ASAP1: variants seen among roughly 807,000 people sequenced by gnomAD.
The protein encoded by ASAP1 is ArfGAP with SH3 domain, ankyrin repeat and PH domain 1.
ASAP1 carries 43 observed loss-of-function variants against 145.2 expected under a neutral mutation model. The ratio of observed to expected loss-of-function variants is 0.30; its 90% CI spans 0.23 to 0.38. ASAP1 has a LOEUF of 0.38. Ranked by LOEUF, ASAP1 falls within the 10% of genes least tolerant of loss-of-function variation. The pLI, the probability that ASAP1 is intolerant of heterozygous loss-of-function variation, is 1.00. For missense variants in ASAP1, 1,018 were observed against 1,355.3 expected (o/e 0.75, Z 3.91); for synonymous variants, 546 against 515.5 (o/e 1.06, Z -0.80).
chr8:130,306,674 G>A (rs889039090), intron 3 of ASAP1, among the ~76,000 whole-genome samples: 1 of 152,162 alleles, frequency 6.6e-6, no homozygotes, highest in Non-Finnish European at 1.5e-5. Flanking sequence ...ATGTAAGGAT[G>A]AAAGGAGCTA....
chr8:130,391,404 A>G (rs1828278797), intron 2 of ASAP1, among the ~76,000 whole-genome samples: 1 of 152,230 alleles, frequency 6.6e-6, no homozygotes, highest in African/African-American at 2.4e-5. Flanking sequence ...ATGCCACTGA[A>G]TTGTTCTTAA....
intron 3 of ASAP1, among the ~76,000 whole-genome samples, chr8:130,349,538 A>G (rs1825878519): frequency 6.6e-6 from 1 of 152,238 alleles, no homozygotes; most frequent in African/African-American, 2.4e-5. Context: ...AGTAGGACAC[A>G]GTAAGGCTCA....
intron 15 of ASAP1, among the ~76,000 whole-genome samples, chr8:130,130,874 A>T (rs541611796): frequency 6.2e-4 from 92 of 148,714 alleles, no homozygotes; most frequent in Non-Finnish European, 1.0e-3. Context: ...ATCTCATTTT[A>T]AAAAAAAAAG....
At chr8:130,221,346 A>AATT (rs999665975) in intron 4 of ASAP1, among the ~76,000 whole-genome samples, 6 of 152,130 alleles carry the variant, frequency 3.9e-5, no homozygotes, top group African/African-American at 1.4e-4. Flanking sequence ...CAAGGCATAA[A>AATT]TCTCCCTTTG....
chr8:130,093,273 G>A lies in ASAP1; in HGVS notation c.2402-1130C>T, dbSNP rs144864801. The stretch of plus-strand genomic sequence containing the variant: ...AAAGTGACATTGAAGTGGCTGGTGT[G>A]TGCCAGGTATTCCATGCTGGGCACT... On this transcript the variant is annotated intron_variant, in intron 24 of 29. Coordinates refer to ENST00000518721, the MANE Select transcript of ASAP1 (RefSeq NM_018482.4). Among the ~76,000 whole-genome samples, 486 of 152,284 alleles carry A rather than the reference G, an allele frequency of 3.2e-3. 2 individuals are homozygous for A. The highest frequency in any genetic ancestry group is 0.011 in the African/African-American group (461 of 41,558).
intron 2 of ASAP1, among the ~76,000 whole-genome samples, chr8:130,359,238 C>T (rs572090924): frequency 6.6e-6 from 1 of 152,058 alleles, no homozygotes. Flanking sequence ...GCAGGAAAGC[C>T]GAGGGTCAGG....
chr8:130,433,194 G>A (rs984514415), intron 1 of ASAP1, among the ~76,000 whole-genome samples: 1 of 152,170 alleles, frequency 6.6e-6, no homozygotes, highest in Non-Finnish European at 1.5e-5. Flanking sequence ...GAAGTAGCAG[G>A]GATGACTGCA....
intron 2 of ASAP1, among the ~76,000 whole-genome samples, chr8:130,362,712 G>A (rs1826774950): frequency 6.6e-6 from 1 of 152,204 alleles, no homozygotes; most frequent in South Asian, 2.1e-4. Flanking sequence ...AGTCTTCAGA[G>A]ACCTCGCTTA....
Position 130,131,847 on chromosome 8 carries a change from C to T in ASAP1, c.1217+2449G>A, listed in dbSNP as rs148908777. Among the ~76,000 whole-genome samples the T allele has an allele frequency of 2.9e-3, 437 of 152,134 alleles. 1 individual carries two copies. The highest frequency in any genetic ancestry group is 0.01 in the African/African-American group (423 of 41,474). On this transcript the variant is annotated intron_variant, in intron 15 of 29. Coordinates refer to ENST00000518721, the MANE Select transcript of ASAP1 (RefSeq NM_018482.4). ...GCAAAATGCGCAACTTCAGGGTGGG[C>T]CATGTAATTCTTTTACTGAAAAATG... is the stretch of plus-strand genomic sequence containing the variant.
At chr8:130,160,693 A>G in intron 11 of ASAP1, 1 of 860,780 alleles carries the variant, frequency 1.2e-6, no homozygotes, top group Non-Finnish European at 1.6e-6. Context: ...AAATGTAAGA[A>G]ATAAAATCAA....
At chr8:130,183,867 C>T (rs148080473) in intron 7 of ASAP1, among the ~76,000 whole-genome samples, 14 of 152,196 alleles carry the variant, frequency 9.2e-5, no homozygotes, top group African/African-American at 2.4e-4. Flanking sequence ...GAGAGTCAAA[C>T]GCCATCCCAG....
intron 13 of ASAP1, among the ~76,000 whole-genome samples, chr8:130,140,546 C>T (rs1319094481): frequency 6.6e-6 from 1 of 152,100 alleles, no homozygotes; most frequent in Non-Finnish European, 1.5e-5. Flanking sequence ...CATTTCTAAG[C>T]ACGGACTATT....
At position 130,409,073 on chromosome 8, in the gene ASAP1, C is replaced by G. The variant is rs1829154749; in HGVS notation, c.-27-7103G>C. Reference sequence around the variant, plus strand: ...GGTCAGGAGTTCGAGACCAGCCTGGCCAACATGGTGAAACCCCATCTCTAC... The same window carrying G: ...GGTCAGGAGTTCGAGACCAGCCTGGGCAACATGGTGAAACCCCATCTCTAC... On this transcript the variant is annotated intron_variant, in intron 1 of 29. Coordinates refer to ENST00000518721, the MANE Select transcript of ASAP1 (RefSeq NM_018482.4). Among the ~76,000 whole-genome samples the G allele has an allele frequency of 2.6e-5, 4 of 152,180 alleles. No individual in the cohort carries two copies. In the South Asian group the frequency reaches 8.3e-4, roughly 32 times the overall value.
intron 27 of ASAP1, among the ~76,000 whole-genome samples, chr8:130,064,099 A>G (rs1290081932): frequency 6.6e-6 from 1 of 152,148 alleles, no homozygotes; most frequent in East Asian, 1.9e-4. Flanking sequence ...GGTTGCGAGA[A>G]GAACCACCAG....
chr8:130,118,380 G>T, intron 19 of ASAP1, 109 bp downstream of exon 19: 1 of 1,359,320 alleles, frequency 7.4e-7, no homozygotes, highest in Non-Finnish European at 1.0e-6. Flanking sequence ...TTTAGACATG[G>T]CCACCCAATG....
intron 3 of ASAP1, among the ~76,000 whole-genome samples, chr8:130,273,939 T>C (rs970447059): frequency 5.9e-5 from 9 of 152,160 alleles, no homozygotes; most frequent in Admixed American, 2.6e-4. Flanking sequence ...GCATCCTCCA[T>C]AGGATGAAGG....
Position 130,358,753 on chromosome 8 carries a change from C to T in ASAP1, c.60-610G>A. Among the ~76,000 whole-genome samples the T allele has an allele frequency of 6.9e-6, 1 of 144,042 alleles. No individual in the cohort carries two copies. The highest frequency in any genetic ancestry group is 1.5e-5 in the Non-Finnish European group (1 of 65,070). 94.5% of individuals were successfully genotyped at this position (144,042 alleles called of 152,430 possible). The stretch of plus-strand genomic sequence containing the variant: ...CGCCCCCGGCCCGGCCCCCGCCCCG[C>T]CCCGCCCCCGCTCGCGCACAGCCCC... On this transcript the variant is annotated intron_variant, in intron 2 of 29. Transcript: ENST00000518721. This position sits in a 1 kb window ranked among gnomAD's most constrained non-coding sequence, Gnocchi z 4.1.
At chr8:130,100,109 G>C (rs2097526057) in intron 24 of ASAP1, among the ~76,000 whole-genome samples, 1 of 151,984 alleles carries the variant, frequency 6.6e-6, no homozygotes, top group Admixed American at 6.6e-5. Flanking sequence ...ATTAGTACCT[G>C]TACTAATTTA....
chr8:130,085,214 T>C (rs1032912490), intron 25 of ASAP1, among the ~76,000 whole-genome samples: 3 of 152,338 alleles, frequency 2.0e-5, no homozygotes, highest in South Asian at 4.1e-4. Flanking sequence ...ACCATGAACC[T>C]AACAATTAGT....
Sources: gnomAD v4.1 joint callset for allele counts (sites outside exome capture counted in the v4.1 genomes callset) on GRCh38, gnomAD v4.1.1 for gene constraint, Gnocchi (gnomAD v3.1) non-coding constraint, MANE v1.5 for transcripts, NCBI Gene and HGNC (gene_info 2026-07-23, HGNC 2026-07-21) for gene names.